Variants in PSG9 observed in about 807,000 individuals in gnomAD.
PSG9 encodes the protein pregnancy-specific beta-1-glycoprotein 9.
A neutral mutation model predicts 41.9 loss-of-function variants in PSG9; 49 were observed. The ratio of observed to expected loss-of-function variants is 1.17; its 90% CI spans 0.93 to 1.48. The LOEUF (loss-of-function observed/expected upper bound fraction) is 1.48, where lower values mean the gene tolerates loss of function less well. PSG9 is among the 40% of genes most tolerant of loss of function. The pLI, the probability that PSG9 is intolerant of heterozygous loss-of-function variation, is 0.00. For synonymous variants in PSG9, 263 were observed against 196.8 expected, an observed-to-expected ratio of 1.34 and a Z score of -2.82; for missense variants, 641 against 520.3, an observed-to-expected ratio of 1.23 and a Z score of -2.26.
chr19:43,269,215 G>A (rs967759177), intron 1 of PSG9, among the ~76,000 whole-genome samples, 153 bp downstream of exon 1: 4 of 151,688 alleles, frequency 2.6e-5, no homozygotes, highest in Admixed American at 1.3e-4. Flanking sequence ...TGCATTGGCC[G>A]GACTGATCTT....
In PSG9 at chr19:43,262,513, T is replaced by C. The variant is rs62115903; in HGVS notation, c.431-375A>G. ...AGTGCTGGAATCCTCTTAGTTTCAG[T>C]CTTACTTTGCCCCCTGAGGTATGTT... On this transcript the variant is annotated intron_variant, in intron 2 of 5. Coordinates refer to ENST00000270077, the MANE Select transcript of PSG9 (RefSeq NM_002784.5). Among the ~76,000 whole-genome samples the C allele has an allele frequency of 1.9e-3, 294 of 152,274 alleles. 4 individuals carry two copies. The highest frequency in any genetic ancestry group is 3.4e-3 in the Middle Eastern group (1 of 294).
At chr19:43,263,552 C>T (rs978996638) in intron 2 of PSG9, among the ~76,000 whole-genome samples, 3 of 148,882 alleles carry the variant, frequency 2.0e-5, no homozygotes, top group Non-Finnish European at 4.4e-5. Flanking sequence ...AAAAAGTTGT[C>T]AGGAGTTTAG....
chr19:43,264,405 C>A (rs1968868326), intron 2 of PSG9, among the ~76,000 whole-genome samples: 1 of 152,018 alleles, frequency 6.6e-6, no homozygotes, highest in African/African-American at 2.4e-5. Context: ...GGATTCTTTC[C>A]TCAGCTGTGT....
intron 5 of PSG9, among the ~76,000 whole-genome samples, chr19:43,254,100 C>G (rs1968361358): frequency 6.9e-6 from 1 of 145,542 alleles, no homozygotes; most frequent in Non-Finnish European, 1.5e-5. Context: ...TGTGTTACCT[C>G]TTTTTCCATA....
chr19:43,264,235 C>A (rs1712496398), intron 2 of PSG9, among the ~76,000 whole-genome samples: 1 of 152,074 alleles, frequency 6.6e-6, no homozygotes, highest in Admixed American at 6.5e-5. Flanking sequence ...ATGTTACAGC[C>A]TTTGTAGTTG....
chr19:43,256,101 A>G (rs1968435082), intron 5 of PSG9, among the ~76,000 whole-genome samples: 1 of 146,924 alleles, frequency 6.8e-6, no homozygotes, highest in African/African-American at 2.6e-5. Flanking sequence ...TTCAGCATTT[A>G]CAATGGGGAA....
At chr19:43,267,126 T>C (rs1969006959) in intron 2 of PSG9, among the ~76,000 whole-genome samples, 1 of 152,220 alleles carries the variant, frequency 6.6e-6, no homozygotes, top group Admixed American at 6.5e-5. Flanking sequence ...CTATGGACTG[T>C]CCTAAGCCTC....
intron 2 of PSG9, among the ~76,000 whole-genome samples, chr19:43,262,617 T>C (rs979317314): frequency 1.3e-5 from 2 of 152,124 alleles, no homozygotes; most frequent in Admixed American, 6.5e-5. Context: ...CCTTTGGGTA[T>C]TGGAAAGCCT....
At position 43,261,926 on chromosome 19, in the gene PSG9, A is replaced by G. The variant is rs753672491; in HGVS notation, c.643T>C (p.Tyr215His). The G allele has an allele frequency of 6.2e-6, 10 of 1,613,948 alleles. No homozygotes were observed. The highest frequency in any genetic ancestry group is 1.7e-5 in the Admixed American group (1 of 60,008). ...ACTGGGTTCCGTATTTCACATTCATAGGGTCCTGCAATATACTTTGTGACA... is the reference window on the plus strand; with the variant it reads ...ACTGGGTTCCGTATTTCACATTCATGGGGTCCTGCAATATACTTTGTGACA... ...FGVTKYIAGP[Y>H]ECEIRNPVSA... is the part of the protein sequence containing the mutation. The change falls in exon 3 of 6, where the codon TAT (tyrosine) becomes CAT (histidine). Residue 215 changes from tyrosine (Y) to histidine (H), a missense_variant. Transcript: ENST00000270077.
intron 2 of PSG9, among the ~76,000 whole-genome samples, chr19:43,267,035 C>T (rs1253503923): frequency 6.6e-6 from 1 of 152,134 alleles, no homozygotes; most frequent in African/African-American, 2.4e-5. Flanking sequence ...GAGAAAGCAC[C>T]TTATGTCAGA....
chr19:43,268,863 C>T (rs1969111551), intron 1 of PSG9, among the ~76,000 whole-genome samples: 3 of 152,112 alleles, frequency 2.0e-5, no homozygotes, highest in African/African-American at 7.2e-5. Context: ...TGTGGTGGCC[C>T]CGGATGATTA....
rs1568408028 is a variant in PSG9 at position 43,253,331 on chromosome 19, A to C, written c.*278T>G. The C allele has an allele frequency of 1.0e-5, 3 of 299,468 alleles. 1 individual carries two copies. Among genetic ancestry groups the C allele is most frequent in the Non-Finnish European group, 1.8e-5 (3 of 166,780 alleles). 18.6% of individuals were successfully genotyped at this position (299,468 alleles called of 1,614,324 possible). Reference sequence around the variant, plus strand: ...TATTACCATAAACCTATGAATACTCATGAATAGTTTCACAATTCTGGGGCA... The same window carrying C: ...TATTACCATAAACCTATGAATACTCCTGAATAGTTTCACAATTCTGGGGCA... On this transcript the variant is annotated 3_prime_UTR_variant, in exon 6 of 6. Transcript: ENST00000270077.
At chr19:43,266,177 C>T (rs1206729946) in intron 2 of PSG9, among the ~76,000 whole-genome samples, 2 of 151,840 alleles carry the variant, frequency 1.3e-5, no homozygotes, top group Admixed American at 1.3e-4. Flanking sequence ...CCCAGGTGCC[C>T]CCAGTTCCAC....
chr19:43,269,355 G>A lies in PSG9; in HGVS notation c.64+13C>T. ...TCCTCCCCCTGTCCTCTCCCAGGAA[G>A]TTCTCTCCTCACCTGTGAGCAGGAG... On this transcript the variant is annotated intron_variant, in intron 1 of 5. Coordinates refer to ENST00000270077, the MANE Select transcript of PSG9 (RefSeq NM_002784.5). 6 of 1,613,466 alleles carry A rather than the reference G, an allele frequency of 3.7e-6. No homozygotes were observed. The highest frequency in any genetic ancestry group is 5.1e-6 in the Non-Finnish European group (6 of 1,179,602).
intron 1 of PSG9, among the ~76,000 whole-genome samples, chr19:43,268,836 A>G (rs1016763051): frequency 5.9e-5 from 9 of 152,086 alleles, no homozygotes; most frequent in African/African-American, 9.6e-5. Flanking sequence ...TATAGTTATT[A>G]TTATCATTTT....
chr19:43,259,232 C>A (rs1461291808), intron 3 of PSG9, 97 bp from the exon 4 acceptor site: 1 of 1,506,738 alleles, frequency 6.6e-7, no homozygotes, highest in Non-Finnish European at 8.9e-7. Context: ...CCTCTCAGCC[C>A]ACCCGAGTCC....
At chr19:43,253,779 T>C (rs1968351159) in intron 5 of PSG9, 133 bp from the exon 6 acceptor site, 2 of 562,870 alleles carry the variant, frequency 3.6e-6, no homozygotes, top group Non-Finnish European at 6.1e-6. Context: ...TTAACTCTAA[T>C]GGGTGGCTGG....
intron 2 of PSG9, among the ~76,000 whole-genome samples, chr19:43,262,836 T>G (rs765036681): frequency 6.6e-6 from 1 of 152,164 alleles, no homozygotes; most frequent in Non-Finnish European, 1.5e-5. Flanking sequence ...GGCCAGGCAG[T>G]AGCTGATAGC....
chr19:43,262,778 C>T (rs1447113115), intron 2 of PSG9, among the ~76,000 whole-genome samples: 1 of 152,066 alleles, frequency 6.6e-6, no homozygotes, highest in Non-Finnish European at 1.5e-5. Flanking sequence ...AGCCAGTGAC[C>T]TCTAACGATA....
Sources: allele counts gnomAD v4.1 joint callset (sites outside exome capture counted in the v4.1 genomes callset), GRCh38; gene constraint gnomAD v4.1.1; transcripts MANE v1.5; gene names NCBI Gene and HGNC (gene_info 2026-07-23, HGNC 2026-07-21).